The following ECE1 variants were observed in gnomAD, a reference collection of about 807,000 sequenced individuals.
ECE1 encodes the protein endothelin-converting enzyme 1.
A neutral mutation model predicts 98.6 loss-of-function variants in ECE1; 35 were observed. The observed-to-expected ratio is 0.35, with a 90% CI of 0.27 to 0.47. The LOEUF (loss-of-function observed/expected upper bound fraction) is 0.47, where lower values mean the gene tolerates loss of function less well. ECE1 is among the 20% of genes least tolerant of loss of function. The pLI is 1.00. For synonymous variants in ECE1, 394 were observed against 407.1 expected, an observed-to-expected ratio of 0.97 and a Z score of 0.39; for missense variants, 814 against 1,025.3, an observed-to-expected ratio of 0.79 and a Z score of 2.81.
At chr1:21,226,152 G>A (rs575127602) in intron 16 of ECE1, among the ~76,000 whole-genome samples, 5 of 152,330 alleles carry the variant, frequency 3.3e-5, no homozygotes, top group African/African-American at 4.8e-5. Flanking sequence ...AGGAGGCAAT[G>A]AGGAGGATTT....
At chr1:21,293,754 T>C (rs1399011104), upstream of ECE1, 1 of 151,954 alleles carries the variant, frequency 6.6e-6, no homozygotes, top group Non-Finnish European at 1.5e-5. Context: ...GTGAGTGACA[T>C]TTCAACAGCT....
chr1:21,320,091 G>C (rs762174288), intron 1 of ECE1, among the ~76,000 whole-genome samples: 5 of 152,358 alleles, frequency 3.3e-5, no homozygotes, highest in Non-Finnish European at 7.3e-5. Context: ...GTGGTGAGCC[G>C]CATTCAAAGC....
At chr1:21,228,343 G>A (rs1240097662) in intron 14 of ECE1, among the ~76,000 whole-genome samples, 1 of 152,152 alleles carries the variant, frequency 6.6e-6, no homozygotes, top group African/African-American at 2.4e-5. Context: ...GGAATTACAG[G>A]CGTGAGCCAC....
In ECE1 at chr1:21,260,507, T is replaced by TCTG; in HGVS notation, c.494-118_494-116dup. On this transcript the variant is annotated intron_variant, in intron 4 of 18. Transcript: ENST00000374893. This position sits in a 1 kb window ranked among gnomAD's most constrained non-coding sequence, Gnocchi z 4.3. Reference sequence around the variant, plus strand: ...TCTCAGCTGCAAAGGAGCTCTGACATCTGCCTGTCGGAGTGGCAGTGAGGA... The same window carrying TCTG: ...TCTCAGCTGCAAAGGAGCTCTGACATCTGCTGCCTGTCGGAGTGGCAGTGAGGA... 1 of 1,327,010 alleles carries TCTG rather than the reference T, an allele frequency of 7.5e-7. No homozygotes were observed. The highest frequency in any genetic ancestry group is 1.1e-6 in the Non-Finnish European group (1 of 927,608). 82.2% of individuals were successfully genotyped at this position (1,327,010 alleles called of 1,614,324 possible).
intron 14 of ECE1, among the ~76,000 whole-genome samples, chr1:21,232,230 G>C (rs1217497073): frequency 1.3e-5 from 2 of 152,112 alleles, no homozygotes; most frequent in African/African-American, 2.4e-5. Context: ...AGGAATGGAA[G>C]GACCTTGGAC....
In ECE1 at chr1:21,220,266, G is replaced by A; in HGVS notation, c.2137-135C>T. On this transcript the variant is annotated intron_variant, in intron 18 of 18. Coordinates refer to ENST00000374893, the MANE Select transcript of ECE1 (RefSeq NM_001397.3). This position sits in a 1 kb window ranked among gnomAD's most constrained non-coding sequence, Gnocchi z 5.0. ...ATCCCAGCACTTTGGGAGCCAAGGT[G>A]GAAGGGCTGCTTGAGCCCAGGAGTT... 1.0e-6 allele frequency: 1 copy of A among 985,428 alleles called. No homozygotes were observed. Among genetic ancestry groups the A allele is most frequent in the Non-Finnish European group, 1.5e-6 (1 of 685,262 alleles). The allele number at this position is 985,428 out of a possible 1,614,324, so 61.0% of individuals were successfully genotyped here.
At position 21,255,964 on chromosome 1, in the gene ECE1, T is replaced by C. The variant is rs368339350; in HGVS notation, c.1003A>G (p.Thr335Ala). 2 of 1,613,998 alleles carry C rather than the reference T, an allele frequency of 1.2e-6. No homozygotes were observed. The highest frequency in any genetic ancestry group is 1.7e-6 in the Non-Finnish European group (2 of 1,180,004). ...RDEELIYHKV[T>A]AAELQTLAPA... ...CAAGTTACCTGCAGCTCGGCTGCCG[T>C]CACTTTGTGGTAGATGAGCTCCTCA... Residue 335 changes from threonine (T) to alanine (A), a missense_variant, in exon 8 of 19, where the codon ACG becomes GCG. Physicochemically the swap from Thr to Ala is moderately conservative, Grantham distance 58. This residue lies in a region of ECE1 where 105 missense variants were observed against 179.1 expected (regional missense o/e 0.59). Coordinates refer to ENST00000374893, the MANE Select transcript of ECE1 (RefSeq NM_001397.3).
chr1:21,265,697 C>T (rs2098233038), intron 4 of ECE1, among the ~76,000 whole-genome samples: 1 of 152,102 alleles, frequency 6.6e-6, no homozygotes, highest in Non-Finnish European at 1.5e-5. Flanking sequence ...CAGGCTGGCA[C>T]TGTCCCCTTT....
chr1:21,251,447 G>A (rs1408446460), intron 8 of ECE1, among the ~76,000 whole-genome samples: 8 of 151,678 alleles, frequency 5.3e-5, no homozygotes, highest in East Asian at 3.9e-4. Flanking sequence ...CCTGGGAGGC[G>A]GAGGCTGCAG....
intron 1 of ECE1, among the ~76,000 whole-genome samples, chr1:21,309,987 T>C (rs1286413262): frequency 6.7e-6 from 1 of 148,936 alleles, no homozygotes. Context: ...AGACGGGGTT[T>C]CACCGTGTTA....
intron 5 of ECE1, among the ~76,000 whole-genome samples, chr1:21,259,556 G>A (rs1413733585): frequency 6.6e-6 from 1 of 152,038 alleles, no homozygotes; most frequent in African/African-American, 2.4e-5. Flanking sequence ...AAATCTCCCT[G>A]GTCTTCCCTG....
chr1:21,336,148 A>T (rs945792701), intron 1 of ECE1, among the ~76,000 whole-genome samples: 1 of 152,250 alleles, frequency 6.6e-6, no homozygotes, highest in Non-Finnish European at 1.5e-5. Flanking sequence ...TGGAAGGCTA[A>T]GGTGGATGAA....
rs2098224952 is a variant in ECE1 at position 21,260,198 on chromosome 1, G to A, written c.615+73C>T. 1 of 1,608,176 alleles carries A rather than the reference G, an allele frequency of 6.2e-7. No individual in the cohort carries two copies. The highest frequency in any genetic ancestry group is 8.5e-7 in the Non-Finnish European group (1 of 1,175,112). Reference sequence around the variant, plus strand: ...TGAGGTGGGCCAGTGGTACCAGAAGGCTGGAGTGGAAGCCAGGGGGCGGGC... The same window carrying A: ...TGAGGTGGGCCAGTGGTACCAGAAGACTGGAGTGGAAGCCAGGGGGCGGGC... On this transcript the variant is annotated intron_variant, in intron 5 of 18. Coordinates refer to ENST00000374893, the MANE Select transcript of ECE1 (RefSeq NM_001397.3). This position sits in a 1 kb window ranked among gnomAD's most constrained non-coding sequence, Gnocchi z 4.3.
chr1:21,316,320 G>A (rs1207333686), intron 1 of ECE1, among the ~76,000 whole-genome samples: 1 of 152,180 alleles, frequency 6.6e-6, no homozygotes, highest in Non-Finnish European at 1.5e-5. Context: ...CCAGGCTGGA[G>A]TGCAGTGGCA....
At chr1:21,302,200 G>A (rs1303701599) in intron 1 of ECE1, among the ~76,000 whole-genome samples, 1 of 152,172 alleles carries the variant, frequency 6.6e-6, no homozygotes, top group Non-Finnish European at 1.5e-5. Flanking sequence ...AGTTCCCCAC[G>A]TCCAGCCCCA....
chr1:21,273,059 C>A (rs1455653876), intron 3 of ECE1, 148 bp from the exon 4 acceptor site: 5 of 810,704 alleles, frequency 6.2e-6, no homozygotes, highest in Non-Finnish European at 1.0e-5. Flanking sequence ...TAGACCCCTA[C>A]AGAGAAATGA....
In ECE1 at chr1:21,220,124, C is replaced by G. The variant is rs1372742379; in HGVS notation, c.2144G>C (p.Cys715Ser). Reference protein sequence around the residue: ...LFFLGFAQVWCSVRTPESSHE... With the variant: ...LFFLGFAQVWSSVRTPESSHE... ...GGAGCTCTCAGGTGTGCGGACGGAG[C>G]ACCAGACCTTTGAAGGGGCAACAGG... The change falls in exon 19 of 19, where the codon TGC becomes TCC. Residue 715 changes from cysteine to serine, a missense_variant. By Grantham distance (112) the Cys-to-Ser change is moderately radical. Coordinates refer to ENST00000374893, the MANE Select transcript of ECE1 (RefSeq NM_001397.3). The surrounding 1 kb of genome is among the most constrained non-coding windows in gnomAD (Gnocchi z 5.0). 6.2e-7 allele frequency: 1 copy of G among 1,610,764 alleles called. No individual in the cohort carries two copies. Among genetic ancestry groups the G allele is most frequent in the Non-Finnish European group, 8.5e-7 (1 of 1,177,668 alleles).
chr1:21,269,160 C>T (rs2098237432), intron 4 of ECE1, among the ~76,000 whole-genome samples: 1 of 152,236 alleles, frequency 6.6e-6, no homozygotes, highest in African/African-American at 2.4e-5. Context: ...CTGAATCTGA[C>T]AGTAGAGTGA....
At chr1:21,270,842 A>G (rs1330268478) in intron 4 of ECE1, among the ~76,000 whole-genome samples, 1 of 152,238 alleles carries the variant, frequency 6.6e-6, no homozygotes, top group Non-Finnish European at 1.5e-5. Flanking sequence ...TAAGTGGCAG[A>G]GTCCAGATTC....
Sources: gnomAD v4.1 joint callset for allele counts (sites outside exome capture counted in the v4.1 genomes callset) on GRCh38, gnomAD v4.1.1 for gene constraint, gnomAD v4.1.1 regional missense constraint, Gnocchi (gnomAD v3.1) non-coding constraint, MANE v1.5 for transcripts, NCBI Gene and HGNC (gene_info 2026-07-23, HGNC 2026-07-21) for gene names.